Variants in GPHN observed in about 807,000 individuals in gnomAD.
The protein encoded by GPHN is gephyrin.
GPHN carries 17 observed loss-of-function variants against 95.5 expected under a neutral mutation model. The observed-to-expected ratio is 0.18, with a 90% CI of 0.12 to 0.27. The LOEUF (loss-of-function observed/expected upper bound fraction) is 0.27, where lower values mean the gene tolerates loss of function less well. Ranked by LOEUF, GPHN falls within the 10% of genes least tolerant of loss-of-function variation. GPHN has a pLI of 1.00. For synonymous variants in GPHN, 320 were observed against 322.5 expected (o/e 0.99, Z 0.08); for missense variants, 660 against 978.1 (o/e 0.67, Z 4.34).
chr14:66,882,079 T>C (rs2063957611), intron 5 of GPHN, among the ~76,000 whole-genome samples: 1 of 151,894 alleles, frequency 6.6e-6, no homozygotes, highest in African/African-American at 2.4e-5. Flanking sequence ...CTACAGCCTT[T>C]CTATTTTGTA....
the GPHN span, among the ~76,000 whole-genome samples, chr14:67,273,564 A>G: frequency 6.6e-6 from 1 of 152,180 alleles, no homozygotes; most frequent in African/African-American, 2.4e-5. Context: ...GCTATTGTGA[A>G]TAGTGCCGCA....
intron 1 of GPHN, among the ~76,000 whole-genome samples, chr14:66,649,280 G>A (rs541489946): frequency 1.3e-5 from 2 of 152,060 alleles, no homozygotes; most frequent in South Asian, 4.2e-4. Context: ...GTTGCAGTGA[G>A]CCAAGATCAC....
chr14:67,119,791 A>T (rs1595226959), intron 16 of GPHN, among the ~76,000 whole-genome samples: 2 of 152,098 alleles, frequency 1.3e-5, no homozygotes, highest in Admixed American at 6.5e-5. Flanking sequence ...ATGCTGTCTC[A>T]AAAACAAAAA....
At chr14:67,526,217 A>C in the GPHN span, among the ~76,000 whole-genome samples, 2 of 152,250 alleles carry the variant, frequency 1.3e-5, no homozygotes, top group Non-Finnish European at 2.9e-5. Flanking sequence ...TACATAAGCA[A>C]AGCTCCTAAT....
chr14:67,674,967 C>CGTT, the GPHN span: 1 of 152,522 alleles, frequency 6.6e-6, no homozygotes, highest in Non-Finnish European at 1.5e-5. Flanking sequence ...CGGGGTCGCG[C>CGTT]GTTGCTCCGG....
At chr14:67,405,599 GTATGGCAA>G in the GPHN span, among the ~76,000 whole-genome samples, 5 of 152,180 alleles carry the variant, frequency 3.3e-5, no homozygotes, top group East Asian at 9.6e-4. Context: ...GGGTTGGTCT[GTATGGCAA>G]TATGGCAGAG....
At chr14:66,928,914 G>C (rs756965510) in intron 8 of GPHN, among the ~76,000 whole-genome samples, 15 of 151,898 alleles carry the variant, frequency 9.9e-5, no homozygotes, top group Non-Finnish European at 2.2e-4. Flanking sequence ...GACTTGTTTT[G>C]TGGCCTAACA....
chr14:67,615,474 A>G, the GPHN span: 1 of 327,022 alleles, frequency 3.1e-6, no homozygotes, highest in Admixed American at 3.3e-5. Flanking sequence ...CTGAGGAAAA[A>G]TAACTAGACA....
the GPHN span, among the ~76,000 whole-genome samples, chr14:67,341,598 C>T: frequency 4.9e-5 from 7 of 142,968 alleles, no homozygotes; most frequent in East Asian, 2.2e-4. Context: ...CCACCCTGTC[C>T]GGGAGGTGAG....
chr14:67,371,054 T>C, the GPHN span, among the ~76,000 whole-genome samples: 1 of 152,012 alleles, frequency 6.6e-6, no homozygotes. Context: ...GGCCAGATGG[T>C]TAAATTGATG....
At chr14:67,364,690 G>A in the GPHN span, 2 of 1,378,054 alleles carry the variant, frequency 1.5e-6, no homozygotes, top group Non-Finnish European at 2.0e-6. Context: ...TCTTTCAGTG[G>A]CAGGATGTGG....
chr14:66,609,568 A>G (rs781336569), intron 1 of GPHN, among the ~76,000 whole-genome samples: 12 of 152,236 alleles, frequency 7.9e-5, no homozygotes, highest in East Asian at 7.7e-4. Flanking sequence ...AGGAATGCCA[A>G]TGAATCCTAG....
chr14:67,593,092 C>A, the GPHN span, among the ~76,000 whole-genome samples: 1 of 152,192 alleles, frequency 6.6e-6, no homozygotes, highest in Non-Finnish European at 1.5e-5. Flanking sequence ...TGGCCACATT[C>A]TATTTTTCTA....
chr14:66,546,191 C>T (rs1317482617), intron 1 of GPHN, among the ~76,000 whole-genome samples: 1 of 150,840 alleles, frequency 6.6e-6, no homozygotes, highest in African/African-American at 2.4e-5. Context: ...GGAAGAGGCG[C>T]TCCTCACTTC....
chr14:66,920,060 C>T (rs145852064), intron 6 of GPHN, among the ~76,000 whole-genome samples: 1,838 of 152,058 alleles, frequency 0.012, 19 homozygotes, highest in Non-Finnish European at 0.018. Context: ...AATGAGACTC[C>T]GTCTCAAAAC....
chr14:67,102,282 CT>C (rs1416683726), intron 13 of GPHN, among the ~76,000 whole-genome samples: 2 of 152,154 alleles, frequency 1.3e-5, no homozygotes, highest in African/African-American at 4.8e-5. Flanking sequence ...AACCAAAGAA[CT>C]TTTTTCCTTT....
At chr14:67,528,012 A>G in the GPHN span, among the ~76,000 whole-genome samples, 6 of 152,148 alleles carry the variant, frequency 3.9e-5, no homozygotes, top group Non-Finnish European at 8.8e-5. Flanking sequence ...ACAGTGGCCC[A>G]CTGTGGACAC....
At chr14:67,460,648 G>T in the GPHN span, among the ~76,000 whole-genome samples, 1 of 152,190 alleles carries the variant, frequency 6.6e-6, no homozygotes, top group Admixed American at 6.5e-5. Context: ...AGGTTGTGGT[G>T]AGCCAAGATT....
the GPHN span, chr14:67,620,199 T>C: frequency 1.0e-5 from 5 of 476,424 alleles, 1 homozygote; most frequent in South Asian, 9.1e-5. Flanking sequence ...TGGGGAGAAA[T>C]GGCGAGGGGA....
Sources: allele counts gnomAD v4.1 joint callset (sites outside exome capture counted in the v4.1 genomes callset), GRCh38; gene constraint gnomAD v4.1.1; transcripts MANE v1.5; gene names NCBI Gene and HGNC (gene_info 2026-07-23, HGNC 2026-07-21).